Variants in RBM26 observed in about 807,000 individuals in gnomAD.
RBM26 encodes the protein RNA-binding protein 26.
A neutral mutation model predicts 123.6 loss-of-function variants in RBM26; 30 were observed. The observed-to-expected ratio is 0.24, with a 90% CI of 0.18 to 0.33. The LOEUF is 0.33. Ranked by LOEUF, RBM26 falls within the 10% of genes least tolerant of loss-of-function variation. The probability of loss-of-function intolerance (pLI) is 1.00; values close to 1 mark genes in which losing one functional copy is unlikely to be tolerated. For synonymous variants in RBM26, 400 were observed against 404.4 expected (o/e 0.99, Z 0.13); for missense variants, 947 against 1,203.6 (o/e 0.79, Z 3.15).
downstream of RBM26, among the ~76,000 whole-genome samples, chr13:79,318,178 T>C (rs1036553838): frequency 2.0e-5 from 3 of 151,256 alleles, no homozygotes; most frequent in African/African-American, 4.8e-5. Flanking sequence ...AGGCAAGAAC[T>C]ACCATATTTA....
chr13:79,348,436 G>A (rs925286981), intron 14 of RBM26, among the ~76,000 whole-genome samples: 2 of 152,036 alleles, frequency 1.3e-5, no homozygotes, highest in Non-Finnish European at 2.9e-5. Flanking sequence ...GAGAAAAACA[G>A]CTGTTTTTCA....
rs773200082 is a variant in RBM26 at position 79,320,743 on chromosome 13, A to C, written c.2935-33T>G. 8 of 192,128 alleles carry C rather than the reference A, an allele frequency of 4.2e-5. No individual in the cohort carries two copies. Among genetic ancestry groups the C allele is most frequent in the Middle Eastern group, 1.4e-3 (1 of 722 alleles). 11.9% of individuals were successfully genotyped at this position (192,128 alleles called of 1,614,324 possible). A position where few individuals can be genotyped will look rare whatever the true frequency, so the allele number is the denominator to read the frequency against. On this transcript the variant is annotated intron_variant, in intron 21 of 21. Transcript: ENST00000438737. ...TTAAAATGTATTTAGGAATTTACCC[A>C]AAAAAAAAAAAAAGAAAAGAAAAAA... is the stretch of plus-strand genomic sequence containing the variant.
intron 20 of RBM26, among the ~76,000 whole-genome samples, chr13:79,325,329 C>T (rs1297609225): frequency 6.6e-6 from 1 of 151,952 alleles, no homozygotes; most frequent in Non-Finnish European, 1.5e-5. Flanking sequence ...TATCGTAGGC[C>T]TCAGCCTATA....
chr13:79,363,694 C>T (rs2074963221), intron 9 of RBM26, among the ~76,000 whole-genome samples: 1 of 152,102 alleles, frequency 6.6e-6, no homozygotes, highest in Non-Finnish European at 1.5e-5. Context: ...GCTGAAATTA[C>T]CACACATCCA....
intron 20 of RBM26, among the ~76,000 whole-genome samples, chr13:79,329,241 T>C (rs2068913010): frequency 6.6e-6 from 1 of 152,060 alleles, no homozygotes; most frequent in Admixed American, 6.6e-5. Flanking sequence ...TGTGTATATA[T>C]GTGTATGTAT....
intron 1 of RBM26, among the ~76,000 whole-genome samples, chr13:79,380,930 G>T (rs1323908638): frequency 1.3e-5 from 2 of 151,954 alleles, no homozygotes; most frequent in Non-Finnish European, 2.9e-5. Flanking sequence ...GGAAATTTTT[G>T]ATGTCTGAAC....
intron 1 of RBM26, among the ~76,000 whole-genome samples, chr13:79,380,620 T>G (rs1401050024): frequency 6.6e-6 from 1 of 152,124 alleles, no homozygotes; most frequent in Admixed American, 6.5e-5. Context: ...AAAACATTTA[T>G]TTCTTTGTGT....
chr13:79,370,340 T>A (rs1005226586), intron 5 of RBM26, among the ~76,000 whole-genome samples: 17 of 151,930 alleles, frequency 1.1e-4, no homozygotes, highest in Admixed American at 2.6e-4. Context: ...AGAAAAAAAA[T>A]TTTTTAACAT....
chr13:79,327,813 T>C (rs1357846612), intron 20 of RBM26, among the ~76,000 whole-genome samples: 1 of 152,054 alleles, frequency 6.6e-6, no homozygotes, highest in Non-Finnish European at 1.5e-5. Context: ...GTTGAAAAAT[T>C]ACCTAATGGG....
At chr13:79,324,535 G>C (rs562275244) in intron 20 of RBM26, among the ~76,000 whole-genome samples, 1 of 151,702 alleles carries the variant, frequency 6.6e-6, no homozygotes, top group South Asian at 2.1e-4. Flanking sequence ...TATTTTCCCC[G>C]ATTGGATTTT....
chr13:79,318,987 T>C lies in RBM26; in HGVS notation c.*1634A>G. On this transcript the variant is annotated 3_prime_UTR_variant, in exon 22 of 22. Transcript: ENST00000438737. ...TTTGATTTAAATATATAAGTAAAAA[T>C]AGTGACTTTTTGAGCAAAGTCACTA... 3 of 974,932 alleles carry C rather than the reference T, an allele frequency of 3.1e-6. No homozygotes were observed. The highest frequency in any genetic ancestry group is 1.8e-5 in the African/African-American group (1 of 57,046). The allele number at this position is 974,932 out of a possible 1,614,324, so 60.4% of individuals were successfully genotyped here. A position where few individuals can be genotyped will look rare whatever the true frequency, so the allele number is the denominator to read the frequency against.
chr13:79,353,105 G>A, intron 14 of RBM26, 48 bp downstream of exon 14: 1 of 1,173,166 alleles, frequency 8.5e-7, no homozygotes, highest in Non-Finnish European at 1.2e-6. Flanking sequence ...GATGCCACCT[G>A]AAAACATTTA....
At chr13:79,389,521 A>G (rs563563062) in intron 1 of RBM26, 7 of 152,240 alleles carry the variant, frequency 4.6e-5, no homozygotes, top group Non-Finnish European at 1.0e-4. Context: ...AAATAAGAAC[A>G]GAATGGTTAC....
chr13:79,337,686 G>A (rs2070671742), intron 18 of RBM26, among the ~76,000 whole-genome samples: 1 of 152,126 alleles, frequency 6.6e-6, no homozygotes, highest in Non-Finnish European at 1.5e-5. Flanking sequence ...ATTTTTTCCA[G>A]TTATGATTTT....
intron 3 of RBM26, among the ~76,000 whole-genome samples, chr13:79,375,081 T>TATATATAAATATTTATATATC (rs1555332794): frequency 1.9e-5 from 2 of 104,368 alleles, no homozygotes; most frequent in African/African-American, 3.1e-5. Context: ...TTATATGATA[T>TATATATAAATATTTATATATC]ATATAAATAT....
intron 1 of RBM26, among the ~76,000 whole-genome samples, chr13:79,391,856 G>A (rs1280050420): frequency 1.3e-5 from 2 of 151,018 alleles, no homozygotes; most frequent in Non-Finnish European, 3.0e-5. Flanking sequence ...AACTTTTTAA[G>A]AAACCAACAA....
At chr13:79,395,611 G>A (rs1480186382) in intron 1 of RBM26, among the ~76,000 whole-genome samples, 1 of 152,040 alleles carries the variant, frequency 6.6e-6, no homozygotes, top group Non-Finnish European at 1.5e-5. Flanking sequence ...AAAATTAGCT[G>A]GGTGTGGTGG....
intron 14 of RBM26, among the ~76,000 whole-genome samples, chr13:79,350,299 G>A (rs977016244): frequency 3.3e-5 from 5 of 152,150 alleles, no homozygotes; most frequent in Non-Finnish European, 7.4e-5. Flanking sequence ...ATATGATAAA[G>A]AAGATTAAAT....
At chr13:79,381,265 C>T (rs2077050513) in intron 1 of RBM26, among the ~76,000 whole-genome samples, 1 of 151,982 alleles carries the variant, frequency 6.6e-6, no homozygotes, top group Admixed American at 6.6e-5. Flanking sequence ...CATTCTTAAC[C>T]ACCACACTAG....
Sources: allele counts gnomAD v4.1 joint callset (sites outside exome capture counted in the v4.1 genomes callset), GRCh38; gene constraint gnomAD v4.1.1; transcripts MANE v1.5; gene names NCBI Gene and HGNC (gene_info 2026-07-23, HGNC 2026-07-21).